Variants in DDX4 observed in about 807,000 individuals in gnomAD.
The protein encoded by DDX4 is probable ATP-dependent RNA helicase DDX4.
DDX4 carries 25 observed loss-of-function variants against 100.0 expected under a neutral mutation model. The ratio of observed to expected loss-of-function variants is 0.25; its 90% CI spans 0.18 to 0.35. DDX4 has a LOEUF of 0.35. Ranked by LOEUF, DDX4 falls within the 10% of genes least tolerant of loss-of-function variation. The pLI, the probability that DDX4 is intolerant of heterozygous loss-of-function variation, is 1.00. For missense variants in DDX4, 635 were observed against 882.4 expected (o/e 0.72, Z 3.55); for synonymous variants, 259 against 275.7 (o/e 0.94, Z 0.60).
At position 55,781,097 on chromosome 5, in the gene DDX4, G is replaced by A; in HGVS notation, c.528G>A (p.Gln176=). 6.2e-7 allele frequency: 1 copy of A among 1,612,712 alleles called. No individual in the cohort carries two copies. Among genetic ancestry groups the A allele is most frequent in the Non-Finnish European group, 8.5e-7 (1 of 1,179,648 alleles). Residue 176 remains glutamine, a synonymous_variant, in exon 9 of 22, where the codon CAG becomes CAA. Coordinates refer to ENST00000505374, the MANE Select transcript of DDX4 (RefSeq NM_024415.3). ...ACTTAGACCCAGACGAATGTATGCA[G>A]CGCACTGGTGGCCTTTTTGGTTCTA... ...NNDLDPDECM[Q]RTGGLFGSRR...
chr5:55,773,669 G>A (rs1337199590), intron 7 of DDX4, among the ~76,000 whole-genome samples: 1 of 151,944 alleles, frequency 6.6e-6, no homozygotes, highest in Admixed American at 6.6e-5. Context: ...CTCTCACCCA[G>A]GCTGGAGGGC....
intron 7 of DDX4, among the ~76,000 whole-genome samples, chr5:55,771,383 A>G (rs1045597148): frequency 6.6e-6 from 1 of 152,230 alleles, no homozygotes; most frequent in Non-Finnish European, 1.5e-5. Flanking sequence ...CTTGGTATAA[A>G]TGGAATCATA....
chr5:55,801,242 A>T (rs2619047), intron 18 of DDX4, among the ~76,000 whole-genome samples: 8 of 151,010 alleles, frequency 5.3e-5, no homozygotes, highest in African/African-American at 1.9e-4. Flanking sequence ...TTGCGATTAA[A>T]AAAACATTTT....
At chr5:55,781,875 TGTGTG>T (rs1741933121) in intron 9 of DDX4, 54 bp from the exon 10 acceptor site, 2 of 1,579,906 alleles carry the variant, frequency 1.3e-6, no homozygotes, top group African/African-American at 2.7e-5. Flanking sequence ...CAACATGGTT[TGTGTG>T]CTTGAGCAGC....
At chr5:55,780,581 G>C (rs1741847129) in intron 8 of DDX4, among the ~76,000 whole-genome samples, 1 of 152,218 alleles carries the variant, frequency 6.6e-6, no homozygotes, top group African/African-American at 2.4e-5. Context: ...TAGCAGACTA[G>C]TGAATTGTCA....
intron 1 of DDX4, 109 bp from the exon 2 acceptor site, chr5:55,738,841 C>G: frequency 1.4e-6 from 1 of 721,596 alleles, no homozygotes; most frequent in South Asian, 1.6e-5. Context: ...GGTATCAGCA[C>G]CTAGTTGGGT....
At chr5:55,775,079 G>A (rs1280019235) in intron 7 of DDX4, among the ~76,000 whole-genome samples, 1 of 152,018 alleles carries the variant, frequency 6.6e-6, no homozygotes, top group African/African-American at 2.4e-5. Flanking sequence ...TATGAAATTT[G>A]TCTATTTTAG....
intron 2 of DDX4, among the ~76,000 whole-genome samples, chr5:55,745,597 A>G (rs1416395536): frequency 3.3e-5 from 5 of 151,566 alleles, no homozygotes; most frequent in Non-Finnish European, 5.9e-5. Context: ...AACTTTTTGT[A>G]TTTTTAGTAA....
chr5:55,790,537 A>G, intron 15 of DDX4, 39 bp from the exon 16 acceptor site: 2 of 1,383,246 alleles, frequency 1.4e-6, no homozygotes, highest in Middle Eastern at 1.8e-4. Context: ...CCTAATTTTT[A>G]AGTAACTAGA....
At position 55,816,925 on chromosome 5, in the gene DDX4, T is replaced by C. The variant is rs1290026670; in HGVS notation, c.*385T>C. On this transcript the variant is annotated 3_prime_UTR_variant, in exon 22 of 22. Coordinates refer to ENST00000505374, the MANE Select transcript of DDX4 (RefSeq NM_024415.3). ...AAAAATTACTGGGTCTCATTTTTAC[T>C]TGAGTCTTTAAAACAGTAGTGTGTC... 6.1e-6 allele frequency: 1 copy of C among 165,220 alleles called. No individual in the cohort carries two copies. Among genetic ancestry groups the C allele is most frequent in the African/African-American group, 2.4e-5 (1 of 41,776 alleles). The allele number at this position is 165,220 out of a possible 1,614,324, so 10.2% of individuals were successfully genotyped here. A position where few individuals can be genotyped will look rare whatever the true frequency, so the allele number is the denominator to read the frequency against.
intron 7 of DDX4, among the ~76,000 whole-genome samples, chr5:55,776,517 T>C: frequency 6.6e-6 from 1 of 152,182 alleles, no homozygotes; most frequent in East Asian, 1.9e-4. Flanking sequence ...TTAAAACCTA[T>C]AAAACTACTA....
intron 2 of DDX4, among the ~76,000 whole-genome samples, chr5:55,739,834 A>T (rs1190492837): frequency 6.6e-6 from 1 of 152,188 alleles, no homozygotes; most frequent in Non-Finnish European, 1.5e-5. Context: ...AATACCCAAA[A>T]TACTAATATA....
At chr5:55,795,104 T>G (rs1437293901) in intron 17 of DDX4, among the ~76,000 whole-genome samples, 3 of 152,098 alleles carry the variant, frequency 2.0e-5, no homozygotes, top group Admixed American at 2.0e-4. Context: ...TGGCTGGGAT[T>G]ACAGGCATGT....
At chr5:55,776,771 A>G (rs1741589128) in intron 7 of DDX4, among the ~76,000 whole-genome samples, 1 of 152,202 alleles carries the variant, frequency 6.6e-6, no homozygotes, top group African/African-American at 2.4e-5. Flanking sequence ...TACAGTAGTA[A>G]GACAACTGAT....
Position 55,797,833 on chromosome 5 carries a change from C to T in DDX4, c.1470-593C>T, listed in dbSNP as rs151058924. ...GGGGCAGGCACACCTATCCTGATTC[C>T]GCTATGTCCCTGGGCCTTTCATCTC... On this transcript the variant is annotated intron_variant, in intron 17 of 21. Transcript: ENST00000505374. Among the ~76,000 whole-genome samples, 547 of 152,284 alleles carry T rather than the reference C, an allele frequency of 3.6e-3. 6 individuals are homozygous for T. The highest frequency in any genetic ancestry group is 0.012 in the African/African-American group (500 of 41,566).
chr5:55,808,461 G>A (rs1179396461), intron 18 of DDX4, among the ~76,000 whole-genome samples: 1 of 152,046 alleles, frequency 6.6e-6, no homozygotes, highest in African/African-American at 2.4e-5. Context: ...TCTACCTTTG[G>A]TCTTTGATGA....
intron 17 of DDX4, 31 bp from the exon 18 acceptor site, chr5:55,798,395 T>G (rs201957170): frequency 1.7e-5 from 28 of 1,604,798 alleles, no homozygotes; most frequent in Admixed American, 1.4e-4. Context: ...GAGAGGAGGA[T>G]AAGTTAAAGA....
At chr5:55,752,542 C>T (rs1489566323) in intron 3 of DDX4, among the ~76,000 whole-genome samples, 4 of 144,878 alleles carry the variant, frequency 2.8e-5, no homozygotes, top group Admixed American at 2.2e-4. Context: ...CATAGTATTC[C>T]ATGGTGTATA....
At chr5:55,758,809 G>A (rs950247214) in intron 3 of DDX4, among the ~76,000 whole-genome samples, 2 of 139,666 alleles carry the variant, frequency 1.4e-5, no homozygotes, top group Non-Finnish European at 3.0e-5. Context: ...AAATTTTATA[G>A]GTCTTTTCGA....
Sources: gnomAD v4.1 joint callset for allele counts (sites outside exome capture counted in the v4.1 genomes callset) on GRCh38, gnomAD v4.1.1 for gene constraint, MANE v1.5 for transcripts, NCBI Gene and HGNC (gene_info 2026-07-23, HGNC 2026-07-21) for gene names.